Variants in LARGE1 observed in about 807,000 individuals in gnomAD.
LARGE1 encodes xylosyl- and glucuronyltransferase LARGE1.
In LARGE1, 43 loss-of-function variants were observed where a neutral mutation model predicts 87.6. That is an observed-to-expected ratio of 0.49 (90% CI 0.38 to 0.63). The LOEUF (loss-of-function observed/expected upper bound fraction) is 0.63, where lower values mean the gene tolerates loss of function less well. Ranked by LOEUF, LARGE1 falls within the 30% of genes least tolerant of loss-of-function variation. LARGE1 has a pLI of 0.00. For missense variants in LARGE1, 802 were observed against 1,000.2 expected, an observed-to-expected ratio of 0.80 and a Z score of 2.67; for synonymous variants, 434 against 394.6, an observed-to-expected ratio of 1.10 and a Z score of -1.18.
intron 7 of LARGE1, among the ~76,000 whole-genome samples, chr22:33,421,238 C>A (rs894314453): frequency 1.1e-4 from 16 of 150,004 alleles, no homozygotes; most frequent in African/African-American, 3.7e-4. Context: ...ATCAATCAAT[C>A]AATCAATAAA....
rs574164694 is a variant in LARGE1, at chr22:33,256,098, G to C, written c.1730+48131C>G. Among the ~76,000 whole-genome samples the C allele has an allele frequency of 3.3e-5, 5 of 152,316 alleles. No homozygotes were observed. In the South Asian group the frequency reaches 1.0e-3, roughly 32 times the overall value. ...TGCTGCTTCCTCTGCCAGCCGAGCA[G>C]GGAACTGTCAGCAAGACAAGCCAAG... On this transcript the variant is annotated intron_variant, in intron 11 of 11. Transcript: ENST00000608642.
intron 1 of LARGE1, among the ~76,000 whole-genome samples, chr22:33,833,828 C>T (rs1218622659): frequency 1.3e-5 from 2 of 152,180 alleles, no homozygotes; most frequent in Non-Finnish European, 2.9e-5. Flanking sequence ...GCTGGGGTTA[C>T]AGGCATGCGC....
chr22:33,265,901 C>T (rs930993192), intron 11 of LARGE1, among the ~76,000 whole-genome samples: 1 of 150,596 alleles, frequency 6.6e-6, no homozygotes. Flanking sequence ...GCAGGCAGCA[C>T]CAACAGAGTC....
intron 2 of LARGE1, among the ~76,000 whole-genome samples, chr22:33,700,238 G>C (rs1431201474): frequency 6.6e-6 from 1 of 152,132 alleles, no homozygotes; most frequent in Non-Finnish European, 1.5e-5. Flanking sequence ...GACACTTGGG[G>C]AGAAGAAGGG....
intron 2 of LARGE1, among the ~76,000 whole-genome samples, chr22:33,656,259 G>A (rs149671086): frequency 0.017 from 2,535 of 152,276 alleles, 150 homozygotes; most frequent in Admixed American, 0.11. Context: ...GGTGAAAGGT[G>A]AGGGAAGAAC....
chr22:33,333,218 C>T (rs905384300), intron 10 of LARGE1, among the ~76,000 whole-genome samples: 1 of 152,102 alleles, frequency 6.6e-6, no homozygotes, highest in Non-Finnish European at 1.5e-5. Flanking sequence ...CAGGGTTTCA[C>T]CGTGTTAGCC....
chr22:33,499,246 G>A (rs951568595), intron 6 of LARGE1, among the ~76,000 whole-genome samples: 7 of 152,134 alleles, frequency 4.6e-5, no homozygotes, highest in Admixed American at 3.9e-4. Context: ...GCCTATAGTC[G>A]GCTAGTGCTT....
chr22:33,799,492 G>A (rs2013201), intron 1 of LARGE1, among the ~76,000 whole-genome samples: 34,449 of 151,860 alleles, frequency 0.23, 4,418 homozygotes, highest in East Asian at 0.41. Context: ...ACAGGCTGGA[G>A]GGCAGTGGTG....
chr22:33,650,440 T>C lies in LARGE1; in HGVS notation c.335A>G (p.Glu112Gly). The change falls in exon 3 of 15, where the codon GAG becomes GGG. Residue 112 changes from glutamate to glycine, a missense_variant. By Grantham distance (98) the Glu-to-Gly change is moderately conservative. Transcript: ENST00000397394. The stretch of plus-strand genomic sequence containing the variant: ...TGCCACGATGCCAGCCCGAAGGTTC[T>C]CGCTGTCTCCAGTGCCCTCCTCCAT... The part of the protein sequence containing the change: ...YSMEEGTGDS[E>G]NLRAGIVAGN... 1 of 1,614,176 alleles carries C rather than the reference T, an allele frequency of 6.2e-7. No individual in the cohort carries two copies. The highest frequency in any genetic ancestry group is 8.5e-7 in the Non-Finnish European group (1 of 1,180,050).
the LARGE1 span, among the ~76,000 whole-genome samples, chr22:33,113,284 C>A: frequency 1.3e-5 from 2 of 151,014 alleles, no homozygotes; most frequent in Non-Finnish European, 1.5e-5. Flanking sequence ...CTCAGCTCAC[C>A]ACAACCTCTG....
chr22:33,912,621 A>G (rs1054388065), intron 1 of LARGE1, among the ~76,000 whole-genome samples: 5 of 152,154 alleles, frequency 3.3e-5, no homozygotes, highest in Admixed American at 2.6e-4. Flanking sequence ...TATGGGTGAG[A>G]CTGCATTTTC....
intron 9 of LARGE1, among the ~76,000 whole-genome samples, chr22:33,348,289 CA>C (rs201826859): frequency 0.035 from 4,357 of 123,924 alleles, 98 homozygotes; most frequent in African/African-American, 0.089. Context: ...CACCCCCCCC[CA>C]AAAAAAAAGT....
rs117803341 is a variant in LARGE1 at position 33,404,642 on chromosome 22, T to G, written c.893-20338A>C. 1.2e-4 allele frequency among the ~76,000 whole-genome samples: 18 copies of G among 152,352 alleles called. No individual in the cohort carries two copies. The East Asian group carries it at 3.5e-3, about 29-fold the overall frequency. On this transcript the variant is annotated intron_variant, in intron 7 of 14. Transcript: ENST00000397394. ...GATTAGCGAGGTGTGCATTTAGTGCTGGGAAGTAAGAAGGGAGAACTAAAT... is the reference window on the plus strand; with the variant it reads ...GATTAGCGAGGTGTGCATTTAGTGCGGGGAAGTAAGAAGGGAGAACTAAAT...
intron 11 of LARGE1, among the ~76,000 whole-genome samples, chr22:33,266,564 A>T (rs564021753): frequency 6.6e-6 from 1 of 151,776 alleles, no homozygotes; most frequent in Admixed American, 6.5e-5. Flanking sequence ...CCGTTTCCTT[A>T]TCTTTAACAT....
chr22:33,604,506 G>T lies in LARGE1; in HGVS notation c.544C>A (p.Leu182Met). The change falls in exon 5 of 15, where the codon CTG becomes ATG. Residue 182 changes from leucine to methionine, a missense_variant. By Grantham distance (15) the Leu-to-Met change is conservative (BLOSUM62 2). Around this residue, in one of 2 missense-constraint regions of LARGE1, gnomAD observed 625 missense variants for 841.9 expected, o/e 0.74. Transcript: ENST00000397394. Reference protein sequence around the residue: ...LIADSIAEQILATLFQTWMVP... With the variant: ...LIADSIAEQIMATLFQTWMVP... ...ATCCAGGTCTGGAAGAGCGTGGCCAGGATCTGCTCCGCAATGGAGTCAGCA... is the reference window on the plus strand; with the variant it reads ...ATCCAGGTCTGGAAGAGCGTGGCCATGATCTGCTCCGCAATGGAGTCAGCA... 6.2e-7 allele frequency: 1 copy of T among 1,614,098 alleles called. No individual in the cohort carries two copies. Among genetic ancestry groups the T allele is most frequent in the South Asian group, 1.1e-5 (1 of 91,084 alleles).
At position 33,882,573 on chromosome 22, in the gene LARGE1, A is replaced by G. The variant is rs188187055; in HGVS notation, c.-83+37422T>C. ...CAAAGATGAAACTCAGCCTCTCATC[A>G]GTAACACTGGAACAGGAAGGCTAAT... On this transcript the variant is annotated intron_variant, in intron 1 of 14. Coordinates refer to ENST00000397394, the MANE Select transcript of LARGE1 (RefSeq NM_133642.5). Among the ~76,000 whole-genome samples, 5 of 152,340 alleles carry G rather than the reference A, an allele frequency of 3.3e-5. No homozygotes were observed. The East Asian group carries it at 9.6e-4, about 29-fold the overall frequency.
Position 33,355,630 on chromosome 22 carries a change from C to G in LARGE1, c.1132-17829G>C, listed in dbSNP as rs989083081. 3.3e-5 allele frequency among the ~76,000 whole-genome samples: 4 copies of G among 122,290 alleles called. 1 individual carries two copies. The highest frequency in any genetic ancestry group is 8.2e-5 in the Non-Finnish European group (4 of 48,930). The allele number at this position is 122,290 out of a possible 152,430, so 80.2% of individuals were successfully genotyped here. A position where few individuals can be genotyped will look rare whatever the true frequency, so the allele number is the denominator to read the frequency against. On this transcript the variant is annotated intron_variant, in intron 9 of 14. Coordinates refer to ENST00000397394, the MANE Select transcript of LARGE1 (RefSeq NM_133642.5). ...TTCAATTTATGGTCTTTTCCAGAAT[C>G]TCAAAAGTAGATCTTCTAACTCCTC...
At chr22:33,910,027 G>GCT (rs1414409401) in intron 1 of LARGE1, among the ~76,000 whole-genome samples, 8 of 152,114 alleles carry the variant, frequency 5.3e-5, no homozygotes, top group Admixed American at 5.2e-4. Context: ...GCTAAAGGAA[G>GCT]CTCCCACCTC....
intron 6 of LARGE1, among the ~76,000 whole-genome samples, chr22:33,444,755 T>C (rs927922182): frequency 5.3e-5 from 8 of 152,194 alleles, no homozygotes; most frequent in Admixed American, 5.2e-4. Flanking sequence ...CAAATATTCA[T>C]TGCATCTATA....
Sources: allele counts gnomAD v4.1 joint callset (sites outside exome capture counted in the v4.1 genomes callset), GRCh38; gene constraint gnomAD v4.1.1; regional missense constraint gnomAD v4.1.1; transcripts MANE v1.5; gene names NCBI Gene and HGNC (gene_info 2026-07-23, HGNC 2026-07-21).